ACSL6: variants seen among roughly 807,000 people sequenced by gnomAD.
ACSL6 encodes the protein acyl-CoA synthetase long chain family member 6, also known as long-chain-fatty-acid--CoA ligase 6.
Under a neutral mutation model 98.2 loss-of-function variants are expected in ACSL6, and 47 were observed. The observed-to-expected ratio is 0.48, with a 90% CI of 0.38 to 0.61. ACSL6 has a LOEUF of 0.61. ACSL6 is among the 20% of genes least tolerant of loss of function. The pLI, the probability that ACSL6 is intolerant of heterozygous loss-of-function variation, is 0.00. For missense variants in ACSL6, 761 were observed against 913.4 expected (o/e 0.83, Z 2.15); for synonymous variants, 362 against 336.9 (o/e 1.07, Z -0.82).
At chr5:131,961,553 C>T (rs1226265456) in intron 18 of ACSL6, among the ~76,000 whole-genome samples, 1 of 151,388 alleles carries the variant, frequency 6.6e-6, no homozygotes, top group Non-Finnish European at 1.5e-5. Flanking sequence ...AAAATATATC[C>T]AGGTGTGGTG....
intron 20 of ACSL6, among the ~76,000 whole-genome samples, chr5:131,955,487 T>TA (rs1241907005): frequency 6.6e-6 from 1 of 152,178 alleles, no homozygotes; most frequent in Non-Finnish European, 1.5e-5. Flanking sequence ...GAGACGTTTT[T>TA]AAACCATAGT....
chr5:131,971,157 A>T (rs990857322), intron 14 of ACSL6, among the ~76,000 whole-genome samples: 26 of 152,320 alleles, frequency 1.7e-4, no homozygotes, highest in Non-Finnish European at 3.7e-4. Flanking sequence ...ATCAAATAAC[A>T]CATAAATGGG....
intron 15 of ACSL6, among the ~76,000 whole-genome samples, chr5:131,969,101 C>A (rs1428453278): frequency 1.3e-5 from 2 of 152,206 alleles, no homozygotes. Context: ...TTGCTGAAAA[C>A]CACTCAGCAA....
chr5:131,972,676 C>T (rs1234511673), intron 13 of ACSL6, 48 bp downstream of exon 13: 2 of 1,604,810 alleles, frequency 1.2e-6, no homozygotes, highest in Non-Finnish European at 1.7e-6. Flanking sequence ...CAAGGTCACC[C>T]GTTGGATACT....
Position 131,959,549 on chromosome 5 carries a change from T to C in ACSL6, c.2018A>G (p.His673Arg), listed in dbSNP as rs768221124. Reference protein sequence around the residue: ...MVRLGKESGLHSFEQVKAIHI... With the variant: ...MVRLGKESGLRSFEQVKAIHI... ...GGTAACAGTTACCTGCTCAAAAGAA[T>C]GGAGTCCACTTTCTTTTCCTAACCT... The change falls in exon 20 of 21, where the codon CAT (histidine) becomes CGT (arginine). Residue 673 changes from histidine to arginine, a missense_variant. His to Arg is a conservative substitution (Grantham distance 29). Transcript: ENST00000651883. 5.0e-6 allele frequency: 8 copies of C among 1,614,178 alleles called. No individual in the cohort carries two copies. In the Admixed American group the frequency reaches 5.0e-5, roughly 10 times the overall value.
At chr5:132,012,108 C>G (rs1755768206), upstream of ACSL6, 4 of 683,056 alleles carry the variant, frequency 5.9e-6, no homozygotes, top group Non-Finnish European at 6.5e-6. Context: ...GAGGTGCACA[C>G]TCCTGTGGGC....
At chr5:131,964,224 A>C (rs868084215) in intron 17 of ACSL6, among the ~76,000 whole-genome samples, 9 of 152,340 alleles carry the variant, frequency 5.9e-5, no homozygotes, top group South Asian at 2.1e-4. Flanking sequence ...AAAATTACAG[A>C]TCAATCTCAT....
intron 18 of ACSL6, among the ~76,000 whole-genome samples, chr5:131,961,504 C>T (rs1752707021): frequency 1.3e-5 from 2 of 150,360 alleles, no homozygotes; most frequent in Admixed American, 6.6e-5. Flanking sequence ...ACCAGCCTGG[C>T]CAATGTGGTG....
intron 20 of ACSL6, among the ~76,000 whole-genome samples, chr5:131,959,264 C>A (rs559691511): frequency 6.6e-6 from 1 of 152,322 alleles, no homozygotes; most frequent in Admixed American, 6.5e-5. Flanking sequence ...GAAGACAGAT[C>A]ATGTACACAT....
chr5:131,975,584 G>T, intron 10 of ACSL6: 1 of 912,664 alleles, frequency 1.1e-6, no homozygotes, highest in Non-Finnish European at 1.3e-6. Flanking sequence ...AACACTGGCT[G>T]AGCCTGGCCT....
chr5:131,994,568 A>C (rs1475794963), intron 1 of ACSL6: 2 of 388,548 alleles, frequency 5.1e-6, no homozygotes, highest in African/African-American at 4.1e-5. Flanking sequence ...TCTGGGAATG[A>C]TGCTTCCTGG....
At chr5:131,981,153 G>A (rs772608013) in intron 9 of ACSL6, among the ~76,000 whole-genome samples, 7 of 151,608 alleles carry the variant, frequency 4.6e-5, no homozygotes, top group East Asian at 1.9e-4. Context: ...CCAAAGCTTC[G>A]GGGGCTTTGG....
In ACSL6 at chr5:131,952,984, A is replaced by G. The variant is rs1303866648; in HGVS notation, c.*1250T>C. The G allele has an allele frequency of 1.9e-5, 4 of 209,602 alleles. No individual in the cohort carries two copies. The highest frequency in any genetic ancestry group is 4.6e-5 in the African/African-American group (2 of 43,944). 13.0% of individuals were successfully genotyped at this position (209,602 alleles called of 1,614,324 possible). ...TGAAATTGTTCAGAATTACAACCAT[A>G]TAGGGTTTCCAGGCATAGCATGGGC... On this transcript the variant is annotated 3_prime_UTR_variant, in exon 21 of 21. Coordinates refer to ENST00000651883, the MANE Select transcript of ACSL6 (RefSeq NM_001009185.3).
chr5:131,982,478 T>C (rs1436662694), intron 9 of ACSL6: 2 of 152,340 alleles, frequency 1.3e-5, no homozygotes, highest in East Asian at 1.9e-4. Context: ...GGTCATTTCA[T>C]GGTGACATCC....
In ACSL6 at chr5:131,985,036, C is replaced by T. The variant is rs2240526; in HGVS notation, c.916+371G>A. 1.3e-4 allele frequency: 34 copies of T among 268,122 alleles called. No individual in the cohort carries two copies. In the East Asian group the frequency reaches 2.4e-3, roughly 19 times the overall value. 16.6% of individuals were successfully genotyped at this position (268,122 alleles called of 1,614,324 possible). ...GACGCCAAACCTCACACTCTTTCCC[C>T]AGTCTCCAACACAAAGGCCAGGCAG... is the stretch of plus-strand genomic sequence containing the variant. On this transcript the variant is annotated intron_variant, in intron 9 of 20. Coordinates refer to ENST00000651883, the MANE Select transcript of ACSL6 (RefSeq NM_001009185.3).
chr5:131,985,728 C>T (rs1754142435), intron 8 of ACSL6, among the ~76,000 whole-genome samples: 1 of 152,242 alleles, frequency 6.6e-6, no homozygotes, highest in Non-Finnish European at 1.5e-5. Context: ...ACTGCCTCCC[C>T]TACTTGAGCC....
intron 1 of ACSL6, chr5:132,002,006 G>A (rs1755110733): frequency 6.6e-6 from 1 of 152,242 alleles, no homozygotes; most frequent in South Asian, 2.1e-4. Flanking sequence ...AAAGTTCTCA[G>A]AGCAAAGAGG....
chr5:131,973,465 C>T, intron 11 of ACSL6, 65 bp from the exon 12 acceptor site: 1 of 1,557,630 alleles, frequency 6.4e-7, no homozygotes, highest in Non-Finnish European at 8.7e-7. Flanking sequence ...TAGTCCAAAG[C>T]TGTCCAAAGT....
rs557991196 is a variant in ACSL6 at position 131,973,621 on chromosome 5, T to A, written c.1069-221A>T. On this transcript the variant is annotated intron_variant, in intron 11 of 20. Transcript: ENST00000651883. ...AGGCACAGGGAGATGAAGCAGAAGA[T>A]GGAGTGGAATCCTGAGCCTCTGGGA... 9.1e-6 allele frequency: 4 copies of A among 441,906 alleles called. No homozygotes were observed. The East Asian group carries it at 1.5e-4, about 16-fold the overall frequency. 27.4% of individuals were successfully genotyped at this position (441,906 alleles called of 1,614,324 possible).
Sources: gnomAD v4.1 joint callset for allele counts (sites outside exome capture counted in the v4.1 genomes callset) on GRCh38, gnomAD v4.1.1 for gene constraint, MANE v1.5 for transcripts, NCBI Gene and HGNC (gene_info 2026-07-23, HGNC 2026-07-21) for gene names.